Variants in PACRG observed in about 807,000 individuals in gnomAD.
PACRG encodes parkin coregulated.
A neutral mutation model predicts 29.7 loss-of-function variants in PACRG; 29 were observed. The observed-to-expected ratio is 0.98, with a 90% CI of 0.73 to 1.33. The LOEUF (loss-of-function observed/expected upper bound fraction) is 1.33. Among genes scored for constraint, PACRG ranks in the 40% most tolerant of loss-of-function variants. PACRG has a pLI of 0.00. For synonymous variants in PACRG, 116 were observed against 118.7 expected, an observed-to-expected ratio of 0.98 and a Z score of 0.15; for missense variants, 279 against 316.2, an observed-to-expected ratio of 0.88 and a Z score of 0.89.
chr6:162,999,232 T>G (rs1160013360), intron 2 of PACRG, among the ~76,000 whole-genome samples: 1 of 152,200 alleles, frequency 6.6e-6, no homozygotes, highest in African/African-American at 2.4e-5. Context: ...CCATTCTTAT[T>G]GGTAGGAAGC....
At chr6:162,998,668 A>G (rs1464563971) in intron 2 of PACRG, among the ~76,000 whole-genome samples, 1 of 152,324 alleles carries the variant, frequency 6.6e-6, no homozygotes, top group East Asian at 1.9e-4. Flanking sequence ...GTACAATTTC[A>G]TAGTCAAATC....
chr6:163,162,988 C>G (rs1778621384), intron 4 of PACRG, among the ~76,000 whole-genome samples: 1 of 152,210 alleles, frequency 6.6e-6, no homozygotes, highest in African/African-American at 2.4e-5. Flanking sequence ...GCAAGGCAAA[C>G]TCCAAATCGA....
intron 2 of PACRG, among the ~76,000 whole-genome samples, chr6:163,008,151 G>A (rs986960113): frequency 1.3e-5 from 2 of 152,076 alleles, no homozygotes; most frequent in African/African-American, 4.8e-5. Flanking sequence ...TAGAGTCCAA[G>A]TTTTTCCATA....
intron 1 of PACRG, among the ~76,000 whole-genome samples, chr6:162,803,165 A>G (rs940744818): frequency 1.3e-5 from 2 of 152,190 alleles, no homozygotes; most frequent in Non-Finnish European, 2.9e-5. Flanking sequence ...TTGTTAGGAA[A>G]GGTTTGTGCT....
intron 4 of PACRG, among the ~76,000 whole-genome samples, chr6:163,261,616 G>A (rs575828037): frequency 5.3e-5 from 8 of 152,258 alleles, no homozygotes; most frequent in Admixed American, 3.9e-4. Context: ...CAGGACACTC[G>A]GCCCTGCTGG....
intron 2 of PACRG, among the ~76,000 whole-genome samples, chr6:163,013,102 T>C (rs1805765248): frequency 6.6e-6 from 1 of 151,898 alleles, no homozygotes; most frequent in Non-Finnish European, 1.5e-5. Context: ...AAATAAAATA[T>C]ATTATTAATA....
At chr6:162,982,874 G>A (rs1244880488) in intron 2 of PACRG, among the ~76,000 whole-genome samples, 1 of 151,938 alleles carries the variant, frequency 6.6e-6, no homozygotes, top group Non-Finnish European at 1.5e-5. Context: ...TGTCTGTCTT[G>A]GTGACATGTC....
At chr6:163,033,164 G>A (rs1807828475) in intron 2 of PACRG, among the ~76,000 whole-genome samples, 1 of 152,142 alleles carries the variant, frequency 6.6e-6, no homozygotes, top group Admixed American at 6.5e-5. Context: ...GTATAGAACT[G>A]TGTCTTCACT....
intron 4 of PACRG, among the ~76,000 whole-genome samples, chr6:163,231,444 G>C (rs1782040255): frequency 6.6e-6 from 1 of 152,186 alleles, no homozygotes; most frequent in Non-Finnish European, 1.5e-5. Context: ...GTCTGCACCG[G>C]CGCTGCATGC....
At chr6:163,194,151 A>C (rs189107286) in intron 4 of PACRG, among the ~76,000 whole-genome samples, 1 of 152,212 alleles carries the variant, frequency 6.6e-6, no homozygotes, top group East Asian at 1.9e-4. Flanking sequence ...CTTAATACTA[A>C]TCAGATTTGA....
intron 1 of PACRG, among the ~76,000 whole-genome samples, chr6:162,791,211 G>A (rs1306069774): frequency 1.3e-5 from 2 of 151,556 alleles, no homozygotes; most frequent in Admixed American, 1.3e-4. Context: ...AACTTAGATT[G>A]TATATGTGCT....
intron 2 of PACRG, among the ~76,000 whole-genome samples, chr6:163,018,024 T>C (rs1387674102): frequency 6.6e-6 from 1 of 152,152 alleles, no homozygotes; most frequent in Non-Finnish European, 1.5e-5. Flanking sequence ...TTTATGTCAC[T>C]GTGTGTGTAT....
chr6:162,904,971 T>C (rs963395007), intron 2 of PACRG, among the ~76,000 whole-genome samples: 4 of 151,842 alleles, frequency 2.6e-5, no homozygotes, highest in Non-Finnish European at 1.5e-5. Flanking sequence ...AAGGGAAGTA[T>C]GGGAATGAAA....
At chr6:163,290,276 GCGCACACACACACACACACACACACACA>G (rs1301386790) in intron 4 of PACRG, among the ~76,000 whole-genome samples, 2 of 127,620 alleles carry the variant, frequency 1.6e-5, no homozygotes, top group Non-Finnish European at 3.2e-5. Context: ...ACGCGCGCGC[GCGCACACACACACACACACACACACACA>G]CACACACACA....
chr6:162,898,001 T>A (rs1237369726), intron 2 of PACRG, among the ~76,000 whole-genome samples: 1 of 152,194 alleles, frequency 6.6e-6, no homozygotes, highest in Non-Finnish European at 1.5e-5. Flanking sequence ...TAGCTCCACG[T>A]TCCCCTGTCC....
At chr6:162,823,334 A>G (rs538307918) in intron 2 of PACRG, among the ~76,000 whole-genome samples, 9 of 152,122 alleles carry the variant, frequency 5.9e-5, no homozygotes, top group Admixed American at 2.0e-4. Flanking sequence ...AACTGAGGAA[A>G]GTTTTCTTTT....
At chr6:162,859,954 G>A (rs769315105) in intron 2 of PACRG, among the ~76,000 whole-genome samples, 6 of 151,098 alleles carry the variant, frequency 4.0e-5, no homozygotes, top group African/African-American at 1.2e-4. Context: ...AGTAGTCTCC[G>A]CCATGACTCT....
rs869305447 is a variant in PACRG at position 162,941,040 on chromosome 6, GTTTGTGCA to G, written c.292-121108_292-121101del. Among the ~76,000 whole-genome samples the G allele has an allele frequency of 1.0e-3, 45 of 43,982 alleles. 1 individual carries two copies. The highest frequency in any genetic ancestry group is 4.7e-4 in the Non-Finnish European group (9 of 19,228). The allele number at this position is 43,982 out of a possible 152,430, so 28.9% of individuals were successfully genotyped here. A position where few individuals can be genotyped will look rare whatever the true frequency, so the allele number is the denominator to read the frequency against. ...CGCGTGTGTGTTTGTATATGTGTGT[GTTTGTGCA>G]TGTGTGTGTGTGTGTGTGTTTGTGT... On this transcript the variant is annotated intron_variant, in intron 2 of 4. Transcript: ENST00000366888.
At chr6:163,145,238 A>C (rs528269590) in intron 4 of PACRG, among the ~76,000 whole-genome samples, 1 of 152,300 alleles carries the variant, frequency 6.6e-6, no homozygotes, top group South Asian at 2.1e-4. Flanking sequence ...CTCATTCATA[A>C]ACTGGAGGTT....
Sources: gnomAD v4.1 joint callset for allele counts (sites outside exome capture counted in the v4.1 genomes callset) on GRCh38, gnomAD v4.1.1 for gene constraint, MANE v1.5 for transcripts, NCBI Gene and HGNC (gene_info 2026-07-23, HGNC 2026-07-21) for gene names.